Variants in GPHN observed in about 807,000 individuals in gnomAD.
The protein encoded by GPHN is gephyrin.
A neutral mutation model predicts 95.5 loss-of-function variants in GPHN; 17 were observed. That is an observed-to-expected ratio of 0.18 (90% CI 0.12 to 0.27). The LOEUF (loss-of-function observed/expected upper bound fraction) is 0.27, where lower values mean the gene tolerates loss of function less well. Ranked by LOEUF, GPHN falls within the 10% of genes least tolerant of loss-of-function variation. The pLI is 1.00. For synonymous variants in GPHN, 320 were observed against 322.5 expected (o/e 0.99, Z 0.08); for missense variants, 660 against 978.1 (o/e 0.67, Z 4.34).
chr14:66,850,287 T>G (rs1314136345), intron 4 of GPHN, among the ~76,000 whole-genome samples: 1 of 152,152 alleles, frequency 6.6e-6, no homozygotes, highest in Non-Finnish European at 1.5e-5. Context: ...GCAAACTCAT[T>G]TTTCTATATA....
At chr14:66,718,812 G>C (rs1465613691) in intron 2 of GPHN, among the ~76,000 whole-genome samples, 1 of 152,152 alleles carries the variant, frequency 6.6e-6, no homozygotes, top group Non-Finnish European at 1.5e-5. Context: ...TCACCTCTCA[G>C]AAGGACCATC....
the GPHN span, chr14:67,653,648 TAGA>T: frequency 3.1e-6 from 2 of 651,520 alleles, no homozygotes; most frequent in African/African-American, 3.7e-5. Context: ...TGAGTGTAAG[TAGA>T]AGAACCTGGA....
intron 21 of GPHN, chr14:67,169,281 G>A (rs1319719737): frequency 3.6e-6 from 2 of 556,318 alleles, no homozygotes; most frequent in Non-Finnish European, 6.4e-6. Context: ...AGAGAGCACG[G>A]CTTAAAAACT....
intron 4 of GPHN, among the ~76,000 whole-genome samples, chr14:66,843,807 T>C (rs1420358944): frequency 9.2e-5 from 14 of 152,314 alleles, no homozygotes; most frequent in Non-Finnish European, 4.4e-5. Context: ...TACAGCTCCA[T>C]ATTCTTCTCT....
intron 9 of GPHN, among the ~76,000 whole-genome samples, chr14:67,013,888 C>T (rs570077615): frequency 2.6e-5 from 4 of 151,696 alleles, no homozygotes; most frequent in Admixed American, 6.6e-5. Flanking sequence ...TTAATGAAAA[C>T]GAATGTGACT....
the GPHN span, chr14:67,473,194 G>T: frequency 5.0e-6 from 3 of 594,930 alleles, no homozygotes; most frequent in Middle Eastern, 9.3e-4. The surrounding 1 kb of genome is among the most constrained non-coding windows in gnomAD (Gnocchi z 6.5). Context: ...GCGATCCATG[G>T]ACCCTTCCCA....
intron 9 of GPHN, among the ~76,000 whole-genome samples, chr14:66,996,423 A>T (rs2071800618): frequency 6.6e-6 from 1 of 152,152 alleles, no homozygotes; most frequent in Non-Finnish European, 1.5e-5. Flanking sequence ...TGTCTGAATA[A>T]CTTTTTTTTG....
At chr14:67,144,874 A>C (rs1445739273) in intron 18 of GPHN, among the ~76,000 whole-genome samples, 1 of 152,212 alleles carries the variant, frequency 6.6e-6, no homozygotes, top group Non-Finnish European at 1.5e-5. Flanking sequence ...GAAGAAAAAA[A>C]TCTCACATTA....
chr14:67,276,118 A>C, the GPHN span, among the ~76,000 whole-genome samples: 1 of 151,924 alleles, frequency 6.6e-6, no homozygotes, highest in East Asian at 1.9e-4. Flanking sequence ...TCTATCCAAT[A>C]GGAGTGATAT....
chr14:67,177,838 T>G (rs1485545812), intron 21 of GPHN, among the ~76,000 whole-genome samples: 1 of 152,224 alleles, frequency 6.6e-6, no homozygotes, highest in East Asian at 1.9e-4. Flanking sequence ...AGTAATGGCC[T>G]TCTTTGTCTC....
chr14:67,070,715 A>AAATAT, intron 11 of GPHN, among the ~76,000 whole-genome samples: 3 of 80,740 alleles, frequency 3.7e-5, no homozygotes, highest in African/African-American at 1.3e-4. Flanking sequence ...AAAAAAAAAA[A>AAATAT]ATATATATAT....
At chr14:66,728,934 T>A (rs2071505014) in intron 2 of GPHN, among the ~76,000 whole-genome samples, 1 of 152,198 alleles carries the variant, frequency 6.6e-6, no homozygotes, top group Admixed American at 6.5e-5. Flanking sequence ...TCTTGAATTT[T>A]AACTCCCTCA....
chr14:66,741,287 T>C (rs1002357490), intron 2 of GPHN, among the ~76,000 whole-genome samples: 1 of 152,212 alleles, frequency 6.6e-6, no homozygotes, highest in African/African-American at 2.4e-5. Flanking sequence ...ATGCAAATAA[T>C]TTTGTTTTAA....
chr14:66,987,692 T>C (rs1020563207), intron 9 of GPHN, among the ~76,000 whole-genome samples: 2 of 152,052 alleles, frequency 1.3e-5, no homozygotes, highest in Non-Finnish European at 2.9e-5. Context: ...GGTTATAGTA[T>C]TTATTTTCTC....
chr14:66,878,079 C>A (rs1314574233), intron 4 of GPHN, among the ~76,000 whole-genome samples: 1 of 152,148 alleles, frequency 6.6e-6, no homozygotes, highest in Non-Finnish European at 1.5e-5. Context: ...CACACATCTA[C>A]AACCATTTTT....
At chr14:67,021,289 C>A (rs531930924) in intron 9 of GPHN, among the ~76,000 whole-genome samples, 12 of 152,058 alleles carry the variant, frequency 7.9e-5, no homozygotes, top group African/African-American at 2.9e-4. Flanking sequence ...AGTGATTCTC[C>A]CCAAATCTGG....
chr14:66,590,032 C>T (rs2061576489), intron 1 of GPHN, among the ~76,000 whole-genome samples: 1 of 152,196 alleles, frequency 6.6e-6, no homozygotes, highest in African/African-American at 2.4e-5. Flanking sequence ...TCACTCAAAA[C>T]CGCGTAACTA....
chr14:67,240,946 C>G, the GPHN span, among the ~76,000 whole-genome samples: 1 of 152,222 alleles, frequency 6.6e-6, no homozygotes, highest in Non-Finnish European at 1.5e-5. Flanking sequence ...CTTGACAGGA[C>G]ATGAGGAATC....
the GPHN span, among the ~76,000 whole-genome samples, chr14:67,437,002 G>A: frequency 1.3e-5 from 2 of 152,196 alleles, no homozygotes. Context: ...GCTGCAGCGA[G>A]CCATGATTGC....
Sources: gnomAD v4.1 joint callset for allele counts (sites outside exome capture counted in the v4.1 genomes callset) on GRCh38, gnomAD v4.1.1 for gene constraint, Gnocchi (gnomAD v3.1) non-coding constraint, MANE v1.5 for transcripts, NCBI Gene and HGNC (gene_info 2026-07-23, HGNC 2026-07-21) for gene names.